Variants in BECN1 observed in about 807,000 individuals in gnomAD.
BECN1 encodes beclin-1.
Under a neutral mutation model 60.1 loss-of-function variants are expected in BECN1, and 15 were observed. The observed-to-expected ratio is 0.25, with a 90% CI of 0.17 to 0.38. The LOEUF is 0.38. Among genes scored for constraint, BECN1 ranks in the 10% least tolerant of loss-of-function variants. BECN1 has a pLI of 1.00. For missense variants in BECN1, 424 were observed against 548.2 expected (o/e 0.77, Z 2.26); for synonymous variants, 179 against 201.8 (o/e 0.89, Z 0.96).
intron 7 of BECN1, among the ~76,000 whole-genome samples, chr17:42,816,658 A>T (rs1372289484): frequency 6.7e-6 from 1 of 149,960 alleles, no homozygotes; most frequent in African/African-American, 2.5e-5. Context: ...TCAAAAAAAA[A>T]AAAAAAAAAG....
At chr17:42,819,693 T>G in intron 3 of BECN1, 84 bp from the exon 4 acceptor site, 1 of 1,369,570 alleles carries the variant, frequency 7.3e-7, no homozygotes, top group Non-Finnish European at 1.0e-6. Flanking sequence ...ACTATATGGC[T>G]TTAGTCTTGA....
intron 2 of BECN1, 88 bp downstream of exon 2, chr17:42,823,660 A>C (rs1406893580): frequency 1.3e-6 from 2 of 1,512,622 alleles, no homozygotes; most frequent in Non-Finnish European, 1.8e-6. Flanking sequence ...AGTTTGTGGC[A>C]GACTACACAG....
At chr17:42,818,171 C>A in intron 7 of BECN1, 50 bp downstream of exon 7, 1 of 1,579,342 alleles carries the variant, frequency 6.3e-7, no homozygotes, top group Non-Finnish European at 8.6e-7. Flanking sequence ...GAAGCCATTT[C>A]CTCTCCTGGA....
At chr17:42,823,289 C>A (rs1390106085) in intron 2 of BECN1, among the ~76,000 whole-genome samples, 1 of 152,156 alleles carries the variant, frequency 6.6e-6, no homozygotes, top group Admixed American at 6.5e-5. Context: ...GAGCCTCGCT[C>A]TGTTGCCCAG....
intron 10 of BECN1, 190 bp downstream of exon 10, chr17:42,813,758 T>C (rs1352708089): frequency 4.3e-6 from 2 of 469,942 alleles, no homozygotes; most frequent in Non-Finnish European, 7.6e-6. Flanking sequence ...CAACAGACTG[T>C]CAAAACCTGA....
intron 10 of BECN1, 45 bp from the exon 11 acceptor site, chr17:42,811,842 G>A (rs573742227): frequency 6.3e-7 from 1 of 1,588,986 alleles, no homozygotes; most frequent in Admixed American, 1.8e-5. Context: ...CACCAAGAAA[G>A]GCTTCCAGAG....
intron 3 of BECN1, 123 bp downstream of exon 3, chr17:42,820,651 C>A: frequency 1.1e-6 from 1 of 921,084 alleles, no homozygotes; most frequent in Non-Finnish European, 1.7e-6. Flanking sequence ...CCCAAAAGTC[C>A]GGGAGCTCTA....
At chr17:42,813,246 T>C (rs1443285496) in intron 10 of BECN1, among the ~76,000 whole-genome samples, 1 of 151,818 alleles carries the variant, frequency 6.6e-6, no homozygotes, top group Non-Finnish European at 1.5e-5. Flanking sequence ...CAGGTATATA[T>C]AAAACAGGCC....
chr17:42,814,720 A>C (rs1217747500), intron 8 of BECN1, 47 bp from the exon 9 acceptor site: 1 of 1,609,254 alleles, frequency 6.2e-7, no homozygotes, highest in Admixed American at 1.7e-5. Flanking sequence ...GGATTACTTA[A>C]AAAGTTTGAC....
chr17:42,820,741 TGAG>T (rs1567673461), intron 3 of BECN1, 30 bp downstream of exon 3: 19 of 1,530,996 alleles, frequency 1.2e-5, no homozygotes, highest in Admixed American at 1.9e-5. Context: ...GTTTACTACA[TGAG>T]GAGGATAGGG....
At position 42,810,683 on chromosome 17, in the gene BECN1, G is replaced by C; in HGVS notation, c.*77C>G. On this transcript the variant is annotated 3_prime_UTR_variant, in exon 12 of 12. Transcript: ENST00000590099. The stretch of plus-strand genomic sequence containing the variant: ...AAACATGTACTGTTTAATATTACCC[G>C]AATTTAATTTAAAACATGTTTGCAA... 1 of 1,441,006 alleles carries C rather than the reference G, an allele frequency of 6.9e-7. No homozygotes were observed. Among genetic ancestry groups the C allele is most frequent in the Non-Finnish European group, 9.3e-7 (1 of 1,070,688 alleles). 89.3% of individuals were successfully genotyped at this position (1,441,006 alleles called of 1,614,324 possible). A position where few individuals can be genotyped will look rare whatever the true frequency, so the allele number is the denominator to read the frequency against.
In BECN1 at chr17:42,815,735, G is replaced by C. The variant is rs781644713; in HGVS notation, c.830+173C>G. 9.8e-6 allele frequency: 8 copies of C among 814,210 alleles called. No individual in the cohort carries two copies. The Admixed American group carries it at 2.1e-4, about 21-fold the overall frequency. 50.4% of individuals were successfully genotyped at this position (814,210 alleles called of 1,614,324 possible). On this transcript the variant is annotated intron_variant, in intron 8 of 11. Transcript: ENST00000590099. The stretch of plus-strand genomic sequence containing the variant: ...TCTTTAGAAGGGCGGATGTCACCAA[G>C]CTCTAGAATTCCAATCCCTACTGTG...
At chr17:42,822,962 T>C (rs1165426980) in intron 2 of BECN1, among the ~76,000 whole-genome samples, 2 of 152,076 alleles carry the variant, frequency 1.3e-5, no homozygotes, top group African/African-American at 4.8e-5. Context: ...ATTACAGGCG[T>C]GAGCCATCAC....
intron 11 of BECN1, 80 bp from the exon 12 acceptor site, chr17:42,811,008 C>A: frequency 7.4e-7 from 1 of 1,354,772 alleles, no homozygotes; most frequent in South Asian, 1.6e-5. Flanking sequence ...GATCATGGGA[C>A]CATTCACGTC....
At chr17:42,814,326 A>C in intron 9 of BECN1, 198 bp downstream of exon 9, 1 of 677,764 alleles carries the variant, frequency 1.5e-6, no homozygotes, top group Non-Finnish European at 2.4e-6. Flanking sequence ...TGCTATAGTC[A>C]CGCAACTCAG....
chr17:42,822,546 CTT>C (rs1399411520), intron 2 of BECN1, among the ~76,000 whole-genome samples: 3 of 152,086 alleles, frequency 2.0e-5, no homozygotes, highest in East Asian at 3.9e-4. Context: ...ATTCTTCTGA[CTT>C]TGCGGGATTT....
chr17:42,820,776 C>G lies in BECN1; in HGVS notation c.196G>C (p.Glu66Gln). The change falls in exon 3 of 12, where the codon GAG (glutamate) becomes CAG (glutamine). Residue 66 changes from glutamate (E) to glutamine (Q), a missense_variant and splice_region_variant. Glu to Gln is a conservative substitution (Grantham distance 29). Transcript: ENST00000590099. ...ETQEEETNSG[E>Q]EPFIETPRQD... ...AGGGGAGAGGGCACTTCTATTACCT[C>G]TCCTGAGTTAGTCTCTTCCTCCTGG... 1 of 1,585,778 alleles carries G rather than the reference C, an allele frequency of 6.3e-7. No individual in the cohort carries two copies. The highest frequency in any genetic ancestry group is 1.1e-5 in the South Asian group (1 of 86,962).
At chr17:42,814,152 A>G in intron 9 of BECN1, 144 bp from the exon 10 acceptor site, 1 of 561,004 alleles carries the variant, frequency 1.8e-6, no homozygotes, top group South Asian at 2.8e-5. Context: ...TCCCCATTGA[A>G]TCCATGTTTA....
chr17:42,819,565 T>C lies in BECN1; in HGVS notation c.243A>G (p.Arg81=). The C allele has an allele frequency of 6.2e-7, 1 of 1,613,568 alleles. No homozygotes were observed. The highest frequency in any genetic ancestry group is 8.5e-7 in the Non-Finnish European group (1 of 1,179,870). The part of the protein sequence containing the change: ...ETPRQDGVSR[R]FIPPARMMST... Reference sequence around the variant, plus strand: ...GTAGGCACCTGGCTGGGGGGATGAATCTGCGAGAGACACCATCCTGGCGAG... The same window carrying C: ...GTAGGCACCTGGCTGGGGGGATGAACCTGCGAGAGACACCATCCTGGCGAG... The change falls in exon 4 of 12, where the codon AGA becomes AGG. Residue 81 remains arginine (R), a synonymous_variant. Coordinates refer to ENST00000590099, the MANE Select transcript of BECN1 (RefSeq NM_001313998.2).
Sources: gnomAD v4.1 joint callset for allele counts (sites outside exome capture counted in the v4.1 genomes callset) on GRCh38, gnomAD v4.1.1 for gene constraint, MANE v1.5 for transcripts, NCBI Gene and HGNC (gene_info 2026-07-23, HGNC 2026-07-21) for gene names.